ALDH3B2: variants seen among roughly 807,000 people sequenced by gnomAD.
ALDH3B2 encodes the protein aldehyde dehydrogenase family 3 member B2.
A neutral mutation model predicts 36.7 loss-of-function variants in ALDH3B2; 45 were observed. That is an observed-to-expected ratio of 1.23 (90% CI 0.97 to 1.57). The LOEUF (loss-of-function observed/expected upper bound fraction) is 1.57. ALDH3B2 is among the 40% of genes most tolerant of loss of function. The pLI is 0.00. For synonymous variants in ALDH3B2, 217 were observed against 226.5 expected (o/e 0.96, Z 0.38); for missense variants, 464 against 513.3 (o/e 0.90, Z 0.93).
chr11:67,667,142 A>C lies in ALDH3B2; in HGVS notation c.-81-126T>G. 4 of 617,270 alleles carry C rather than the reference A, an allele frequency of 6.5e-6. No individual in the cohort carries two copies. The South Asian group carries it at 7.7e-5, about 12-fold the overall frequency. The allele number at this position is 617,270 out of a possible 1,614,324, so 38.2% of individuals were successfully genotyped here. A position where few individuals can be genotyped will look rare whatever the true frequency, so the allele number is the denominator to read the frequency against. ...TATAAATACAGCTCCTATGGGAGGC[A>C]CTGCCGTCCCCTGGGAACTGCGCAT... On this transcript the variant is annotated intron_variant, in intron 2 of 9. Transcript: ENST00000349015.
chr11:67,664,697 G>A, intron 7 of ALDH3B2, 135 bp from the exon 8 acceptor site: 3 of 1,313,590 alleles, frequency 2.3e-6, no homozygotes, highest in Non-Finnish European at 3.1e-6. Context: ...AGCGCTTCAG[G>A]CTTTGGAGTG....
At chr11:67,679,125 G>T (rs1856322997), upstream of ALDH3B2, among the ~76,000 whole-genome samples, 1 of 151,996 alleles carries the variant, frequency 6.6e-6, no homozygotes, top group Non-Finnish European at 1.5e-5. Context: ...CACCACTAAA[G>T]AATTTACTCA....
intron 1 of ALDH3B2, among the ~76,000 whole-genome samples, chr11:67,669,540 CTG>C (rs1205961378): frequency 7.2e-6 from 1 of 138,872 alleles, no homozygotes; most frequent in Non-Finnish European, 1.5e-5. Context: ...GTATCAGTGC[CTG>C]TGTGTCTATG....
exon 10 of ALDH3B2, chr11:67,662,936 C>A: frequency 2.1e-6 from 1 of 469,026 alleles, no homozygotes; most frequent in Non-Finnish European, 3.8e-6. Context: ...CTGGCCAACC[C>A]TGACCGAGAG....
chr11:67,665,170 C>G lies in ALDH3B2; in HGVS notation c.706+115G>C, dbSNP rs1330261615. The G allele has an allele frequency of 3.3e-6, 5 of 1,501,602 alleles. No homozygotes were observed. The Admixed American group carries it at 1.1e-4, about 34-fold the overall frequency. The allele number at this position is 1,501,602 out of a possible 1,614,324, so 93.0% of individuals were successfully genotyped here. On this transcript the variant is annotated intron_variant, in intron 7 of 9. Coordinates refer to ENST00000349015, the Ensembl canonical transcript of ALDH3B2. ...ACCAGAGCCATGGCTCAAGGCCGGG[C>G]TCTGATAGTGGGGCCGGGTTTCAGG...
intron 1 of ALDH3B2, among the ~76,000 whole-genome samples, chr11:67,680,928 A>G (rs1192281351): frequency 1.3e-5 from 2 of 152,158 alleles, no homozygotes; most frequent in Non-Finnish European, 2.9e-5. Context: ...TGGGCACGTG[A>G]CATTGTAAGG....
At chr11:67,672,431 GC>G (rs1205986037) in intron 1 of ALDH3B2, among the ~76,000 whole-genome samples, 4 of 151,702 alleles carry the variant, frequency 2.6e-5, no homozygotes, top group Non-Finnish European at 5.9e-5. Context: ...AGGATTACAG[GC>G]GTGAGCCACC....
intron 1 of ALDH3B2, among the ~76,000 whole-genome samples, chr11:67,669,317 GGTGTCTGTGTATGTATCA>G (rs1448526331): frequency 1.4e-5 from 2 of 146,744 alleles, no homozygotes; most frequent in African/African-American, 2.6e-5. Flanking sequence ...TGTCTGTATG[GGTGTCTGTGTATGTATCA>G]GTGTCTGTGT....
At chr11:67,678,773 A>G (rs191754913), upstream of ALDH3B2, among the ~76,000 whole-genome samples, 7 of 143,988 alleles carry the variant, frequency 4.9e-5, no homozygotes, top group East Asian at 1.2e-3. Context: ...ACGCTATGGT[A>G]TATATATACA....
chr11:67,676,888 C>T (rs571497695), upstream of ALDH3B2, among the ~76,000 whole-genome samples: 2 of 152,174 alleles, frequency 1.3e-5, no homozygotes, highest in East Asian at 3.9e-4. Flanking sequence ...TACAACCCCC[C>T]TAGTTTAAAT....
At chr11:67,672,909 C>CTTTCTTTTCT (rs201752224) in intron 1 of ALDH3B2, among the ~76,000 whole-genome samples, 3 of 145,986 alleles carry the variant, frequency 2.1e-5, no homozygotes, top group African/African-American at 7.7e-5. Context: ...AACTTTCTTT[C>CTTTCTTTTCT]TTTCTTTTCT....
At chr11:67,679,475 G>GA (rs951545287), upstream of ALDH3B2, among the ~76,000 whole-genome samples, 34 of 140,730 alleles carry the variant, frequency 2.4e-4, no homozygotes, top group South Asian at 6.8e-4. Context: ...CATCTCAAAA[G>GA]AAAAAAAAAA....
chr11:67,670,233 TG>T (rs1341122118), intron 1 of ALDH3B2, among the ~76,000 whole-genome samples: 103 of 134,640 alleles, frequency 7.7e-4, no homozygotes, highest in Non-Finnish European at 9.1e-4. Flanking sequence ...TGTCTGTGTG[TG>T]TATGGGTGTC....
At chr11:67,680,017 T>C (rs1856341266) in intron 1 of ALDH3B2, among the ~76,000 whole-genome samples, 1 of 151,880 alleles carries the variant, frequency 6.6e-6, no homozygotes, top group Non-Finnish European at 1.5e-5. Context: ...AATAAGCCTC[T>C]AAAGAACCAG....
At chr11:67,664,618 G>A in intron 7 of ALDH3B2, 56 bp from the exon 8 acceptor site, 2 of 1,597,840 alleles carry the variant, frequency 1.3e-6, no homozygotes, top group Non-Finnish European at 8.5e-7. Flanking sequence ...TGCCCCCAGG[G>A]GTAGGGTAGA....
intron 1 of ALDH3B2, among the ~76,000 whole-genome samples, chr11:67,670,738 G>A (rs764248036): frequency 2.0e-5 from 3 of 152,188 alleles, no homozygotes; most frequent in Non-Finnish European, 4.4e-5. Context: ...CACACCTGCA[G>A]ATGCCGCCTC....
rs1279542801 is a variant in ALDH3B2 at position 67,672,928 on chromosome 11, CTTTTCTTT to C, written c.-245+1501_-245+1508del. On this transcript the variant is annotated intron_variant, in intron 1 of 9. Coordinates refer to ENST00000349015, the Ensembl canonical transcript of ALDH3B2. The stretch of plus-strand genomic sequence containing the variant: ...TTCTTTCTTTCTTTTCTTTTCTTTT[CTTTTCTTT>C]TTTTTTTTTTTTGAGACGGAGTCTC... 1.5e-3 allele frequency among the ~76,000 whole-genome samples: 194 copies of C among 130,500 alleles called. 2 individuals are homozygous for C. Among genetic ancestry groups the C allele is most frequent in the African/African-American group, 5.2e-3 (187 of 35,634 alleles). 85.6% of individuals were successfully genotyped at this position (130,500 alleles called of 152,430 possible).
intron 1 of ALDH3B2, among the ~76,000 whole-genome samples, chr11:67,672,103 TG>T (rs1259354981): frequency 0.086 from 643 of 7,516 alleles, 58 homozygotes; most frequent in Non-Finnish European, 0.12. Context: ...GTATGTATTT[TG>T]TGTGTGTGTG....
intron 6 of ALDH3B2, 131 bp downstream of exon 6, chr11:67,665,991 G>T: frequency 8.1e-7 from 1 of 1,237,378 alleles, no homozygotes; most frequent in Non-Finnish European, 1.1e-6. Flanking sequence ...GCAGGCAGAC[G>T]GACTCTGTGC....
Sources: allele counts gnomAD v4.1 joint callset (sites outside exome capture counted in the v4.1 genomes callset), GRCh38; gene constraint gnomAD v4.1.1; transcripts MANE v1.5; gene names NCBI Gene and HGNC (gene_info 2026-07-23, HGNC 2026-07-21).